Variants in USH2A observed in about 807,000 individuals in gnomAD.
USH2A encodes usherin.
Under a neutral mutation model 538.9 loss-of-function variants are expected in USH2A, and 443 were observed. The observed-to-expected ratio is 0.82, with a 90% CI of 0.76 to 0.89. The LOEUF is 0.89. Ranked by LOEUF, USH2A falls within the 40% of genes least tolerant of loss-of-function variation. The pLI is 0.00. For missense variants in USH2A, 6,633 were observed against 6,324.8 expected, an observed-to-expected ratio of 1.05 and a Z score of -1.65; for synonymous variants, 2,413 against 2,273.5, an observed-to-expected ratio of 1.06 and a Z score of -1.75.
rs1402755351 is a variant in USH2A at position 216,199,648 on chromosome 1, A to C, written c.3790T>G (p.Ser1264Ala). The C allele has an allele frequency of 6.2e-7, 1 of 1,614,022 alleles. No individual in the cohort carries two copies. Residue 1264 changes from serine (S) to alanine (A), a missense_variant, in exon 17 of 72, where the codon TCT becomes GCT. Coordinates refer to ENST00000307340, the MANE Select transcript of USH2A (RefSeq NM_206933.4). Reference protein sequence around the residue: ...ISSTELHVEWSPPAELNGIII... With the variant: ...ISSTELHVEWAPPAELNGIII... ...TTACCATTTAGTTCCGCTGGTGGAG[A>C]CCATTCTACATGAAGTTCTGTAGAA...
At chr1:216,323,276 TTATATATATATATA>T in intron 8 of USH2A, among the ~76,000 whole-genome samples, 184 bp downstream of exon 8, 1 of 137,102 alleles carries the variant, frequency 7.3e-6, no homozygotes, top group East Asian at 2.1e-4. Flanking sequence ...AAAATACGTT[TTATATATATATATA>T]TATATATATA....
intron 33 of USH2A, among the ~76,000 whole-genome samples, chr1:215,999,433 C>A (rs1360871096): frequency 1.3e-5 from 2 of 152,092 alleles, no homozygotes; most frequent in Non-Finnish European, 2.9e-5. Flanking sequence ...AGGAATCCAA[C>A]ACAGGGTTAA....
In USH2A at chr1:215,658,253, CTTT is replaced by C. The variant is rs375162910; in HGVS notation, c.14134-7455_14134-7453del. On this transcript the variant is annotated intron_variant, in intron 64 of 71. Coordinates refer to ENST00000307340, the MANE Select transcript of USH2A (RefSeq NM_206933.4). ...AATCAAAATTTGGAGTTATCACATA[CTTT>C]TTTTTTTTTCTTATATCTGCTCTCC... 3.0e-4 allele frequency among the ~76,000 whole-genome samples: 44 copies of C among 146,652 alleles called. 1 individual carries two copies. The highest frequency in any genetic ancestry group is 1.1e-3 in the African/African-American group (43 of 40,222).
At chr1:215,653,302 C>T (rs1195790544) in intron 64 of USH2A, among the ~76,000 whole-genome samples, 1 of 152,152 alleles carries the variant, frequency 6.6e-6, no homozygotes, top group Non-Finnish European at 1.5e-5. Flanking sequence ...GAAATATTCT[C>T]TTTGAAAACC....
rs1362058696 is a variant in USH2A, at chr1:215,675,092, A to G, written c.12819T>C (p.Tyr4273=). Residue 4273 remains tyrosine, a synonymous_variant, in exon 63 of 72, where the codon TAT becomes TAC. Transcript: ENST00000307340. ...GCAGTTTTTGGGGATTCATAGAAAC[A>G]TAGGATATCACAGGTGGAGAGAGAC... ...PEGLSPPVIS[Y]VSMNPQKLLI... The G allele has an allele frequency of 1.2e-6, 2 of 1,614,158 alleles. No homozygotes were observed. Among genetic ancestry groups the G allele is most frequent in the East Asian group, 4.5e-5 (2 of 44,870 alleles).
At chr1:215,978,992 C>T (rs1471854738) in intron 35 of USH2A, among the ~76,000 whole-genome samples, 1 of 152,064 alleles carries the variant, frequency 6.6e-6, no homozygotes, top group African/African-American at 2.4e-5. Context: ...CCTTCTCATG[C>T]TAATAATAAA....
At chr1:215,813,513 A>G (rs965859252) in intron 49 of USH2A, among the ~76,000 whole-genome samples, 3 of 152,164 alleles carry the variant, frequency 2.0e-5, no homozygotes, top group Admixed American at 6.5e-5. Flanking sequence ...TCTGTAGTAG[A>G]TATTGTAAAT....
At position 216,142,672 on chromosome 1, in the gene USH2A, A is replaced by T. The variant is rs114078059; in HGVS notation, c.4627+32580T>A. Among the ~76,000 whole-genome samples the T allele has an allele frequency of 4.3e-3, 651 of 152,310 alleles. 3 individuals carry two copies. Among genetic ancestry groups the T allele is most frequent in the Non-Finnish European group, 5.2e-3 (356 of 68,008 alleles). ...TGTCCAGAGATCAGTAAAACAATAT[A>T]TGTGAAAGTATTTTGAAATATGATA... is the stretch of plus-strand genomic sequence containing the variant. On this transcript the variant is annotated intron_variant, in intron 21 of 71. Transcript: ENST00000307340.
At chr1:216,337,795 G>A (rs1039954960) in intron 4 of USH2A, among the ~76,000 whole-genome samples, 2 of 150,940 alleles carry the variant, frequency 1.3e-5, no homozygotes, top group Admixed American at 6.6e-5. Flanking sequence ...TCAAATATTC[G>A]AATTAATGTG....
At chr1:216,272,039 T>C (rs2036585827) in intron 11 of USH2A, among the ~76,000 whole-genome samples, 1 of 152,158 alleles carries the variant, frequency 6.6e-6, no homozygotes, top group South Asian at 2.1e-4. Context: ...GAGAAATATA[T>C]GCCCTTCCTT....
intron 16 of USH2A, among the ~76,000 whole-genome samples, chr1:216,206,110 T>C (rs531688698): frequency 6.6e-6 from 1 of 152,314 alleles, no homozygotes; most frequent in South Asian, 2.1e-4. Flanking sequence ...CTGCCAGATT[T>C]AATAGTTCTT....
At chr1:216,116,885 T>A (rs988930658) in intron 21 of USH2A, among the ~76,000 whole-genome samples, 1 of 152,038 alleles carries the variant, frequency 6.6e-6, no homozygotes, top group Non-Finnish European at 1.5e-5. Flanking sequence ...TTCCTGAAGA[T>A]CAATACTTGA....
intron 55 of USH2A, among the ~76,000 whole-genome samples, chr1:215,777,582 A>T (rs187321641): frequency 2.0e-5 from 3 of 152,286 alleles, no homozygotes; most frequent in East Asian, 3.9e-4. Context: ...CAAGTGACTC[A>T]TTTGATTTTT....
intron 30 of USH2A, among the ~76,000 whole-genome samples, chr1:216,051,396 A>C (rs1412626647): frequency 6.6e-6 from 1 of 152,192 alleles, no homozygotes; most frequent in African/African-American, 2.4e-5. Context: ...CTCAAAACTA[A>C]AGTTATCATC....
intron 26 of USH2A, chr1:216,079,254 T>TAA (rs1176093376): frequency 6.6e-6 from 1 of 152,142 alleles, no homozygotes; most frequent in African/African-American, 2.4e-5. Flanking sequence ...TCGAGTCTCT[T>TAA]ACAATGTGCC....
intron 16 of USH2A, among the ~76,000 whole-genome samples, chr1:216,203,455 C>T (rs74563587): frequency 0.011 from 1,722 of 152,104 alleles, 21 homozygotes; most frequent in Middle Eastern, 0.078. Flanking sequence ...TCTTATTGTA[C>T]TGTAGACTCA....
chr1:216,092,586 C>T (rs994772112), intron 22 of USH2A, among the ~76,000 whole-genome samples: 2 of 152,126 alleles, frequency 1.3e-5, no homozygotes, highest in South Asian at 4.1e-4. Flanking sequence ...TTTTCACCAT[C>T]CCTCAGTTTT....
intron 53 of USH2A, 147 bp downstream of exon 53, chr1:215,782,591 G>C (rs577195833): frequency 1.1e-6 from 1 of 875,860 alleles, no homozygotes; most frequent in African/African-American, 1.7e-5. Context: ...TGAGTGATTA[G>C]TTGTCACATA....
chr1:215,752,199 C>A (rs1660642462), intron 58 of USH2A, among the ~76,000 whole-genome samples: 1 of 152,098 alleles, frequency 6.6e-6, no homozygotes. Context: ...GGCAGGATAT[C>A]CACAATTTAC....
Sources: allele counts gnomAD v4.1 joint callset (sites outside exome capture counted in the v4.1 genomes callset), GRCh38; gene constraint gnomAD v4.1.1; transcripts MANE v1.5; gene names NCBI Gene and HGNC (gene_info 2026-07-23, HGNC 2026-07-21).